The following MROH2B variants were observed in gnomAD, a reference collection of about 807,000 sequenced individuals.
The protein encoded by MROH2B is maestro heat-like repeat-containing protein family member 2B.
Under a neutral mutation model 208.6 loss-of-function variants are expected in MROH2B, and 177 were observed. That is an observed-to-expected ratio of 0.85 (90% CI 0.75 to 0.96). MROH2B has a LOEUF of 0.96. Among genes scored for constraint, MROH2B ranks in the 40% least tolerant of loss-of-function variants. MROH2B has a pLI of 0.00. For synonymous variants in MROH2B, 728 were observed against 659.0 expected (o/e 1.10, Z -1.60); for missense variants, 2,002 against 1,878.7 (o/e 1.07, Z -1.21).
At chr5:41,046,231 TAA>T (rs1196017786) in intron 17 of MROH2B, among the ~76,000 whole-genome samples, 2 of 141,132 alleles carry the variant, frequency 1.4e-5, no homozygotes, top group African/African-American at 2.6e-5. Flanking sequence ...GATTACATAC[TAA>T]AAAAAAAAAA....
chr5:41,021,219 A>G (rs969312328), intron 24 of MROH2B, among the ~76,000 whole-genome samples: 3 of 152,248 alleles, frequency 2.0e-5, no homozygotes, highest in Non-Finnish European at 2.9e-5. Flanking sequence ...AAAAGAATAA[A>G]GTACTTAGGA....
chr5:40,999,044 A>T (rs1418051341), intron 40 of MROH2B, among the ~76,000 whole-genome samples: 2 of 152,156 alleles, frequency 1.3e-5, no homozygotes, highest in Non-Finnish European at 2.9e-5. Flanking sequence ...TCAGATTTTT[A>T]ATTTGGCCTT....
chr5:41,051,156 T>G, intron 12 of MROH2B, 66 bp from the exon 13 acceptor site: 1 of 1,053,702 alleles, frequency 9.5e-7, no homozygotes, highest in Non-Finnish European at 1.3e-6. Context: ...TGACTTTCCT[T>G]GGGTGTGTTC....
At chr5:41,027,102 C>T (rs1742391391) in intron 24 of MROH2B, among the ~76,000 whole-genome samples, 1 of 152,178 alleles carries the variant, frequency 6.6e-6, no homozygotes, top group South Asian at 2.1e-4. Flanking sequence ...AAAACCTAGG[C>T]CATAACATTC....
intron 24 of MROH2B, among the ~76,000 whole-genome samples, chr5:41,024,222 T>C (rs567312890): frequency 6.6e-6 from 1 of 152,188 alleles, no homozygotes; most frequent in South Asian, 2.1e-4. Flanking sequence ...ATACTCCAAT[T>C]AAAAGACACA....
Position 41,054,906 on chromosome 5 carries a change from T to G in MROH2B, c.1034-66A>C, listed in dbSNP as rs997683530. The stretch of plus-strand genomic sequence containing the variant: ...GAAGTACAGTATGTTCTAGGATTGA[T>G]GAAAAGCTATTAGAATTATGGCACA... On this transcript the variant is annotated intron_variant, in intron 10 of 41. Coordinates refer to ENST00000399564, the MANE Select transcript of MROH2B (RefSeq NM_173489.5). 3 of 1,145,354 alleles carry G rather than the reference T, an allele frequency of 2.6e-6. No homozygotes were observed. The African/African-American group carries it at 4.7e-5, about 18-fold the overall frequency. The allele number at this position is 1,145,354 out of a possible 1,614,324, so 70.9% of individuals were successfully genotyped here.
Position 41,006,871 on chromosome 5 carries a change from A to T in MROH2B, c.3749+443T>A, listed in dbSNP as rs1741610968. 2.0e-5 allele frequency among the ~76,000 whole-genome samples: 3 copies of T among 152,184 alleles called. No homozygotes were observed. In the South Asian group the frequency reaches 6.2e-4, roughly 32 times the overall value. ...AATGAGGTGAGGGATAAGCCTACAT[A>T]TTGGGTGCAGTGTACACTCCTCAGG... On this transcript the variant is annotated intron_variant, in intron 34 of 41. Coordinates refer to ENST00000399564, the MANE Select transcript of MROH2B (RefSeq NM_173489.5).
At chr5:41,009,786 C>T in intron 31 of MROH2B, 136 bp downstream of exon 31, 1 of 768,854 alleles carries the variant, frequency 1.3e-6, no homozygotes, top group Non-Finnish European at 2.0e-6. Context: ...GATTCAAATA[C>T]CAATTGTTAA....
intron 29 of MROH2B, among the ~76,000 whole-genome samples, chr5:41,012,964 T>G (rs764355666): frequency 6.6e-6 from 1 of 152,336 alleles, no homozygotes; most frequent in East Asian, 1.9e-4. Context: ...TTCATATTTA[T>G]TGAATCCTAA....
At chr5:41,023,724 A>G (rs944388258) in intron 24 of MROH2B, among the ~76,000 whole-genome samples, 2 of 152,194 alleles carry the variant, frequency 1.3e-5, no homozygotes, top group South Asian at 2.1e-4. Flanking sequence ...TCCAAGACAC[A>G]TAATTGTCAG....
intron 20 of MROH2B, 135 bp downstream of exon 20, chr5:41,039,313 G>T: frequency 1.7e-6 from 1 of 595,482 alleles, no homozygotes; most frequent in South Asian, 2.5e-5. Context: ...ATAAAGACTG[G>T]GCTTGGACAG....
chr5:41,029,368 T>C (rs1241785494), intron 24 of MROH2B, among the ~76,000 whole-genome samples: 1 of 152,192 alleles, frequency 6.6e-6, no homozygotes, highest in Non-Finnish European at 1.5e-5. Context: ...ATTTTGGATA[T>C]TAACTCCTTA....
chr5:41,004,812 G>T lies in MROH2B; in HGVS notation c.3973C>A (p.Arg1325=). 6.2e-7 allele frequency: 1 copy of T among 1,613,914 alleles called. No individual in the cohort carries two copies. The highest frequency in any genetic ancestry group is 8.5e-7 in the Non-Finnish European group (1 of 1,179,870). The change falls in exon 36 of 42, where the codon CGA becomes AGA. Residue 1325 remains arginine, a synonymous_variant. Transcript: ENST00000399564. ...SNATLRQMAI[R]GLGNTASGAP... is the part of the protein sequence containing the mutation. ...CCGGATGCTGTGTTGCCGAGCCCTC[G>T]GATGGCCATCTGCCTCAGAGTGGCG...
chr5:41,067,249 T>C lies in MROH2B; in HGVS notation c.91-31A>G, dbSNP rs1205306929. On this transcript the variant is annotated intron_variant, in intron 2 of 41. Coordinates refer to ENST00000399564, the MANE Select transcript of MROH2B (RefSeq NM_173489.5). ...AATATACAAAGGCATACACAGAAAT[T>C]TGGCTTGCAAAAATAAAGGAATCAA... is the stretch of plus-strand genomic sequence containing the variant. 5 of 1,347,932 alleles carry C rather than the reference T, an allele frequency of 3.7e-6. No individual in the cohort carries two copies. The African/African-American group carries it at 4.3e-5, about 12-fold the overall frequency. The allele number at this position is 1,347,932 out of a possible 1,614,324, so 83.5% of individuals were successfully genotyped here. A position where few individuals can be genotyped will look rare whatever the true frequency, so the allele number is the denominator to read the frequency against.
In MROH2B at chr5:41,065,289, T is replaced by A. The variant is rs184511610; in HGVS notation, c.361+42A>T. The A allele has an allele frequency of 1.6e-3, 2,516 of 1,562,508 alleles. 40 individuals are homozygous for A. The African/African-American group carries it at 0.031, about 19-fold the overall frequency. ...CATTTAGCTTTTAGACAATTAGAAGTTGTCATTTCCCAGGGAAAATTGGAG... is the reference window on the plus strand; with the variant it reads ...CATTTAGCTTTTAGACAATTAGAAGATGTCATTTCCCAGGGAAAATTGGAG... On this transcript the variant is annotated intron_variant, in intron 4 of 41. Transcript: ENST00000399564.
At chr5:41,058,818 A>T (rs1210441290) in intron 6 of MROH2B, among the ~76,000 whole-genome samples, 1 of 152,030 alleles carries the variant, frequency 6.6e-6, no homozygotes. Flanking sequence ...AGGCCGAGGC[A>T]GGCGGATCGC....
intron 24 of MROH2B, among the ~76,000 whole-genome samples, chr5:41,028,897 T>C (rs1390233742): frequency 6.6e-6 from 1 of 152,196 alleles, no homozygotes; most frequent in African/African-American, 2.4e-5. Context: ...ACCTAAATAG[T>C]GTACATTGTA....
rs563706605 is a variant in MROH2B, at chr5:41,025,030, A to G, written c.2442-6012T>C. Among the ~76,000 whole-genome samples the G allele has an allele frequency of 2.0e-5, 3 of 152,366 alleles. No individual in the cohort carries two copies. In the South Asian group the frequency reaches 6.2e-4, roughly 32 times the overall value. ...ATACCAGAATCTCTGGGACACATTT[A>G]AAGCAATGTGTAGAGGGAAATTTAT... is the stretch of plus-strand genomic sequence containing the variant. On this transcript the variant is annotated intron_variant, in intron 24 of 41. Transcript: ENST00000399564.
chr5:41,047,748 G>A lies in MROH2B; in HGVS notation c.1701C>T (p.Thr567=), dbSNP rs771699267. ...GAAGCAGCATGGTTTCCCATAGAAC[G>A]GTACTGATGTTCTTTCCTAGAAACA... The part of the protein sequence containing the change: ...LQPLEGKNIS[T]VLWETMLLQL... The change falls in exon 17 of 42, where the codon ACC becomes ACT. Residue 567 remains threonine, a synonymous_variant. Coordinates refer to ENST00000399564, the MANE Select transcript of MROH2B (RefSeq NM_173489.5). The A allele has an allele frequency of 1.8e-5, 29 of 1,593,232 alleles. No homozygotes were observed. Among genetic ancestry groups the A allele is most frequent in the Middle Eastern group, 1.6e-4 (1 of 6,066 alleles).
Sources: allele counts gnomAD v4.1 joint callset (sites outside exome capture counted in the v4.1 genomes callset), GRCh38; gene constraint gnomAD v4.1.1; transcripts MANE v1.5; gene names NCBI Gene and HGNC (gene_info 2026-07-23, HGNC 2026-07-21).